The following RNF111 variants were observed in gnomAD, a reference collection of about 807,000 sequenced individuals.
RNF111 encodes the protein E3 ubiquitin-protein ligase Arkadia.
Under a neutral mutation model 95.1 loss-of-function variants are expected in RNF111, and 17 were observed. That is an observed-to-expected ratio of 0.18 (90% CI 0.12 to 0.27). The LOEUF is 0.27. Ranked by LOEUF, RNF111 falls within the 10% of genes least tolerant of loss-of-function variation. The pLI is 1.00. For synonymous variants in RNF111, 440 were observed against 414.8 expected, an observed-to-expected ratio of 1.06 and a Z score of -0.74; for missense variants, 1,189 against 1,210.4, an observed-to-expected ratio of 0.98 and a Z score of 0.26.
intron 1 of RNF111, among the ~76,000 whole-genome samples, chr15:59,011,065 T>A (rs866439762): frequency 5.3e-5 from 8 of 152,218 alleles, no homozygotes; most frequent in Admixed American, 1.3e-4. Flanking sequence ...ATCAGAAGAT[T>A]GTATTTTGTC....
At chr15:59,005,540 T>C (rs994581563) in intron 1 of RNF111, among the ~76,000 whole-genome samples, 13 of 152,352 alleles carry the variant, frequency 8.5e-5, no homozygotes, top group Non-Finnish European at 1.5e-4. Context: ...TTTATTTATT[T>C]TGTTACTCCA....
chr15:58,994,630 A>G (rs1212853793), intron 1 of RNF111, among the ~76,000 whole-genome samples: 1 of 151,248 alleles, frequency 6.6e-6, no homozygotes, highest in African/African-American at 2.4e-5. Context: ...GGTGCCCGCC[A>G]CCACGTCCAG....
intron 6 of RNF111, among the ~76,000 whole-genome samples, chr15:59,071,960 C>T (rs1400059217): frequency 3.3e-5 from 5 of 152,108 alleles, no homozygotes; most frequent in South Asian, 2.1e-4. Flanking sequence ...AAGTCCACTG[C>T]ACAGTGACAT....
chr15:59,076,718 A>G lies in RNF111; in HGVS notation c.1948+503A>G, dbSNP rs566929814. ...CTATAAAAATAAAATAGAACCAGCC[A>G]TGCCTTTTCTAAAGAAATTGAAATT... On this transcript the variant is annotated intron_variant, in intron 7 of 13. Transcript: ENST00000348370. 3.9e-5 allele frequency among the ~76,000 whole-genome samples: 6 copies of G among 152,344 alleles called. No homozygotes were observed. The East Asian group carries it at 1.2e-3, about 29-fold the overall frequency.
At chr15:59,040,872 T>A (rs981940908) in intron 2 of RNF111, among the ~76,000 whole-genome samples, 2 of 152,232 alleles carry the variant, frequency 1.3e-5, no homozygotes, top group African/African-American at 2.4e-5. Context: ...AAGATATTTT[T>A]AAAAAATTTA....
intron 5 of RNF111, among the ~76,000 whole-genome samples, chr15:59,064,449 T>C (rs2042569443): frequency 7.0e-6 from 1 of 143,584 alleles, no homozygotes; most frequent in Non-Finnish European, 1.5e-5. Context: ...GGCAGGAGAA[T>C]GGCGTGAACC....
chr15:59,083,977 T>C, intron 8 of RNF111, 152 bp from the exon 9 acceptor site: 1 of 511,774 alleles, frequency 2.0e-6, no homozygotes, highest in Non-Finnish European at 2.9e-6. Context: ...CAAATAATTT[T>C]ATATGTTTTT....
chr15:59,026,987 TA>T lies in RNF111; in HGVS notation c.-19-3814del, dbSNP rs368714634. Among the ~76,000 whole-genome samples, 46 of 152,270 alleles carry T rather than the reference TA, an allele frequency of 3.0e-4. No individual in the cohort carries two copies. In the East Asian group the frequency reaches 8.5e-3, roughly 28 times the overall value. The stretch of plus-strand genomic sequence containing the variant: ...TCAAAAATCAGAGCAGATTTAACCA[TA>T]AAGAGTTGATTGCATTGTTTTGGCT... On this transcript the variant is annotated intron_variant, in intron 1 of 13. Transcript: ENST00000348370.
At chr15:59,012,745 T>G (rs2039885740) in intron 1 of RNF111, among the ~76,000 whole-genome samples, 1 of 148,660 alleles carries the variant, frequency 6.7e-6, no homozygotes, top group Admixed American at 6.7e-5. Context: ...CTTTTTTTCT[T>G]TTTTTTTTTT....
rs1388909689 is a variant in RNF111 at position 59,067,076 on chromosome 15, A to C, written c.1679A>C (p.His560Pro). The change falls in exon 6 of 14, where the codon CAT becomes CCT. Residue 560 changes from histidine (H) to proline (P), a missense_variant. Physicochemically the swap from His to Pro is moderately conservative, Grantham distance 77. This residue lies in a region of RNF111 where 1,024 missense variants were observed against 925.9 expected (regional missense o/e 1.11). Transcript: ENST00000348370. ...GANSSSGTSY[H>P]EQQALPVDLS... Reference sequence around the variant, plus strand: ...AATAGTAGTTCTGGTACCAGCTATCATGAACAGGTATGTGGAATTTGAGTC... The same window carrying C: ...AATAGTAGTTCTGGTACCAGCTATCCTGAACAGGTATGTGGAATTTGAGTC... 6.2e-7 allele frequency: 1 copy of C among 1,613,310 alleles called. No homozygotes were observed. Among genetic ancestry groups the C allele is most frequent in the East Asian group, 2.2e-5 (1 of 44,866 alleles).
chr15:59,084,882 C>G (rs1456327176), intron 9 of RNF111, among the ~76,000 whole-genome samples: 1 of 151,812 alleles, frequency 6.6e-6, no homozygotes, highest in African/African-American at 2.4e-5. Context: ...TTTTCCTGTT[C>G]TTCAGGGTTA....
At position 59,055,724 on chromosome 15, in the gene RNF111, GGGTTCC is replaced by G. The variant is rs1342093659; in HGVS notation, c.1051_1056del (p.Gly351_Ser352del). ...GACACTCCAGATCTCATTGGAGCCA[GGGTTCC>G]AGTTCTCATGCAAGTCGGCCACAGG... On this transcript the variant is annotated inframe_deletion, in exon 4 of 14. Transcript: ENST00000348370. 9.3e-6 allele frequency: 15 copies of G among 1,613,808 alleles called. No individual in the cohort carries two copies. In the Admixed American group the frequency reaches 1.2e-4, roughly 13 times the overall value.
chr15:59,024,999 G>T (rs1450690087), intron 1 of RNF111, among the ~76,000 whole-genome samples: 2 of 152,152 alleles, frequency 1.3e-5, no homozygotes, highest in Admixed American at 6.5e-5. Context: ...ATGCGTCAGG[G>T]TTTCCTTTTT....
rs144948432 is a variant in RNF111 at position 58,999,640 on chromosome 15, A to G, written c.-20+11572A>G. 8.0e-3 allele frequency among the ~76,000 whole-genome samples: 1,223 copies of G among 152,198 alleles called. 11 individuals carry two copies. The highest frequency in any genetic ancestry group is 0.013 in the Non-Finnish European group (880 of 67,988). On this transcript the variant is annotated intron_variant, in intron 1 of 13. Transcript: ENST00000348370. ...TGTCAGCCACTGTGCCCGGCCTATT[A>G]CTGCAGTTTTAAAATAATACATTTT...
intron 1 of RNF111, among the ~76,000 whole-genome samples, chr15:59,027,957 C>G (rs1455855988): frequency 6.6e-6 from 1 of 151,814 alleles, no homozygotes; most frequent in African/African-American, 2.4e-5. Context: ...TCCTGAGTAG[C>G]TGGGATTACA....
At chr15:59,022,228 G>A (rs1427975595) in intron 1 of RNF111, among the ~76,000 whole-genome samples, 2 of 152,064 alleles carry the variant, frequency 1.3e-5, no homozygotes, top group Non-Finnish European at 2.9e-5. Context: ...CCTCTTAGTG[G>A]TTTTGTCTGT....
intron 2 of RNF111, among the ~76,000 whole-genome samples, chr15:59,039,936 C>A (rs942991639): frequency 3.3e-5 from 5 of 151,858 alleles, no homozygotes; most frequent in Admixed American, 6.6e-5. Context: ...AGCATGGTCT[C>A]GATCTCCTGA....
chr15:59,023,690 C>G, intron 1 of RNF111, among the ~76,000 whole-genome samples: 1 of 152,142 alleles, frequency 6.6e-6, no homozygotes, highest in African/African-American at 2.4e-5. Flanking sequence ...AATGAGTTTA[C>G]TAGCCTTTCC....
chr15:59,068,488 C>T (rs1346448410), intron 6 of RNF111, among the ~76,000 whole-genome samples: 1 of 150,110 alleles, frequency 6.7e-6, no homozygotes, highest in African/African-American at 2.5e-5. Flanking sequence ...TGCCTGTAGT[C>T]CCAGCTACTC....
Sources: gnomAD v4.1 joint callset for allele counts (sites outside exome capture counted in the v4.1 genomes callset) on GRCh38, gnomAD v4.1.1 for gene constraint, gnomAD v4.1.1 regional missense constraint, MANE v1.5 for transcripts, NCBI Gene and HGNC (gene_info 2026-07-23, HGNC 2026-07-21) for gene names.